The following FCRLA variants were observed in gnomAD, a reference collection of about 807,000 sequenced individuals.
FCRLA encodes the protein Fc receptor like A, also known as Fc receptor-like A.
FCRLA carries 26 observed loss-of-function variants against 28.4 expected under a neutral mutation model. The ratio of observed to expected loss-of-function variants is 0.91; its 90% CI spans 0.67 to 1.27. FCRLA has a LOEUF of 1.27. Among genes scored for constraint, FCRLA ranks in the 50% most tolerant of loss-of-function variants. FCRLA has a pLI of 0.00. For synonymous variants in FCRLA, 174 were observed against 168.5 expected (o/e 1.03, Z -0.25); for missense variants, 422 against 433.1 (o/e 0.97, Z 0.23).
At chr1:161,707,591 T>A (rs550474407) in intron 1 of FCRLA, among the ~76,000 whole-genome samples, 2 of 152,352 alleles carry the variant, frequency 1.3e-5, no homozygotes, top group East Asian at 3.9e-4. Flanking sequence ...AACTCTTTTC[T>A]TTCACTTGTG....
intron 4 of FCRLA, among the ~76,000 whole-genome samples, chr1:161,712,468 G>A (rs1683153691): frequency 1.3e-5 from 2 of 152,136 alleles, no homozygotes; most frequent in South Asian, 4.1e-4. Context: ...TGCCCCACAA[G>A]CCTTAGCATC....
chr1:161,713,093 A>T lies in FCRLA; in HGVS notation c.793A>T (p.Ser265Cys), dbSNP rs917659602. Residue 265 changes from serine to cysteine, a missense_variant, in exon 5 of 5, where the codon AGC (serine) becomes TGC (cysteine). Physicochemically the swap from Ser to Cys is moderately radical, Grantham distance 112. This residue lies in a region of FCRLA where 185 missense variants were observed against 198.1 expected (regional missense o/e 0.93). Coordinates refer to ENST00000236938, the MANE Select transcript of FCRLA (RefSeq NM_032738.4). ...QLEIRVQGAS[S>C]SAAPPTLNPA... The stretch of plus-strand genomic sequence containing the variant: ...CCTGCCCCATAATTCAGGTGCTTCC[A>T]GCTCTGCTGCACCTCCCACATTGAA... 1 of 1,612,084 alleles carries T rather than the reference A, an allele frequency of 6.2e-7. No homozygotes were observed. The highest frequency in any genetic ancestry group is 8.5e-7 in the Non-Finnish European group (1 of 1,179,236).
In FCRLA at chr1:161,712,041, G is replaced by A. The variant is rs546820153; in HGVS notation, c.607G>A (p.Ala203Thr). 47 of 1,614,192 alleles carry A rather than the reference G, an allele frequency of 2.9e-5. No homozygotes were observed. The South Asian group carries it at 4.3e-4, about 15-fold the overall frequency. ...QTKLPLQRSA[A>T]RLLFSFYKDG... ...AAAGTTGCCCCTGCAGAGGTCAGCT[G>A]CCCGCCTCCTCTTCTCCTTCTACAA... Residue 203 changes from alanine to threonine, a missense_variant, in exon 4 of 5, where the codon GCC (alanine) becomes ACC (threonine). Transcript: ENST00000236938.
At chr1:161,710,597 CCT>C in intron 1 of FCRLA, 161 bp from the exon 2 acceptor site, 1 of 1,420,148 alleles carries the variant, frequency 7.0e-7, no homozygotes. Context: ...AAACTATCCC[CCT>C]GAGACACTCT....
In FCRLA at chr1:161,712,091, G is replaced by A. The variant is rs752480920; in HGVS notation, c.657G>A (p.Arg219=). Residue 219 remains arginine (R), a synonymous_variant, in exon 4 of 5, where the codon AGG becomes AGA. Transcript: ENST00000236938. ...FYKDGRIVQS[R]GLSSEFQIPT... is the part of the protein sequence containing the mutation. The stretch of plus-strand genomic sequence containing the variant: ...AGGATGGAAGGATAGTGCAAAGCAG[G>A]GGGCTCTCCTCAGAATTCCAGATCC... 1.2e-6 allele frequency: 2 copies of A among 1,614,154 alleles called. No individual in the cohort carries two copies. The highest frequency in any genetic ancestry group is 1.7e-6 in the Non-Finnish European group (2 of 1,180,026).
In FCRLA at chr1:161,713,293, G is replaced by A. The variant is rs1475485411; in HGVS notation, c.993G>A (p.Val331=). 1.2e-6 allele frequency: 2 copies of A among 1,614,232 alleles called. No homozygotes were observed. Among genetic ancestry groups the A allele is most frequent in the Admixed American group, 3.3e-5 (2 of 60,032 alleles). ...MGLLLKHMQD[V]RVLLGHLLME... is the part of the protein sequence containing the mutation. ...TTCTTCTCAAACACATGCAGGATGT[G>A]AGAGTCCTCCTCGGTCACCTGCTCA... Residue 331 remains valine, a synonymous_variant, in exon 5 of 5, where the codon GTG becomes GTA. Transcript: ENST00000236938.
rs73015455 is a variant in FCRLA at position 161,711,667 on chromosome 1, C to G, written c.499+193C>G. 4,673 of 764,946 alleles carry G rather than the reference C, an allele frequency of 6.1e-3. 133 individuals are homozygous for G. The African/African-American group carries it at 0.073, about 12-fold the overall frequency. The allele number at this position is 764,946 out of a possible 1,614,324, so 47.4% of individuals were successfully genotyped here. A position where few individuals can be genotyped will look rare whatever the true frequency, so the allele number is the denominator to read the frequency against. ...GAAGTCATCCAGCCCCACTCAGAGT[C>G]CAGCATAGTTCCTACCACCCAGATC... On this transcript the variant is annotated intron_variant, in intron 3 of 4. Transcript: ENST00000236938.
intron 1 of FCRLA, among the ~76,000 whole-genome samples, chr1:161,707,996 T>G (rs2101650241): frequency 6.6e-6 from 1 of 152,336 alleles, no homozygotes; most frequent in South Asian, 2.1e-4. Flanking sequence ...ATTTGTCTGT[T>G]TAATTTTTGC....
At chr1:161,710,533 T>G in intron 1 of FCRLA, 1 of 1,547,052 alleles carries the variant, frequency 6.5e-7, no homozygotes, top group Non-Finnish European at 8.7e-7. Context: ...CTCCCTCTTC[T>G]CCAAACCACA....
chr1:161,711,896 A>G (rs201477947), intron 3 of FCRLA, 38 bp from the exon 4 acceptor site: 53 of 1,571,152 alleles, frequency 3.4e-5, no homozygotes, highest in Middle Eastern at 3.4e-4. Flanking sequence ...TGTATATAAG[A>G]TGGCTGAGCT....
intron 2 of FCRLA, 123 bp from the exon 3 acceptor site, chr1:161,711,085 T>C: frequency 6.9e-7 from 1 of 1,452,352 alleles, no homozygotes; most frequent in Non-Finnish European, 9.3e-7. Flanking sequence ...AGTTGTCCCA[T>C]ACTCCCAACC....
At chr1:161,713,062 G>T in intron 4 of FCRLA, 23 bp from the exon 5 acceptor site, 1 of 1,597,428 alleles carries the variant, frequency 6.3e-7, no homozygotes, top group Non-Finnish European at 8.5e-7. Flanking sequence ...ACTCTTGTAT[G>T]TGCCTCCTGC....
chr1:161,712,953 A>T, intron 4 of FCRLA, 132 bp from the exon 5 acceptor site: 1 of 991,086 alleles, frequency 1.0e-6, no homozygotes, highest in Non-Finnish European at 1.5e-6. Context: ...GAGGGACACT[A>T]GAGTCCTCAA....
In FCRLA at chr1:161,707,288, G is replaced by A. The variant is rs748968878; in HGVS notation, c.24G>A (p.Met8Ile). The A allele has an allele frequency of 6.2e-7, 1 of 1,613,962 alleles. No homozygotes were observed. The highest frequency in any genetic ancestry group is 8.5e-7 in the Non-Finnish European group (1 of 1,179,940). The change falls in exon 1 of 5, where the codon ATG becomes ATA. Residue 8 changes from methionine to isoleucine, a missense_variant. By Grantham distance (10) the Met-to-Ile change is conservative (BLOSUM62 1). Transcript: ENST00000236938. Reference protein sequence around the residue: MKLGCVLMAWALYLSLGV... With the variant: MKLGCVLIAWALYLSLGV... ...CCATGAAGCTGGGCTGTGTCCTCAT[G>A]GCCTGGGCCCTCTACCTTTCCCTTG... is the stretch of plus-strand genomic sequence containing the variant.
chr1:161,707,698 T>C (rs1339641363), intron 1 of FCRLA, among the ~76,000 whole-genome samples: 3 of 152,188 alleles, frequency 2.0e-5, no homozygotes, highest in Non-Finnish European at 2.9e-5. Flanking sequence ...TCCACTGGAA[T>C]TGGTTTTGTC....
At chr1:161,710,302 G>A (rs2101655065) in intron 1 of FCRLA, 1 of 632,310 alleles carries the variant, frequency 1.6e-6, no homozygotes, top group Admixed American at 2.7e-5. Flanking sequence ...TATAAAATGA[G>A]GATAAAGTCA....
In FCRLA at chr1:161,712,089, AG is replaced by A. The variant is rs1557922955; in HGVS notation, c.660del (p.Leu221SerfsTer36). The A allele has an allele frequency of 1.2e-6, 2 of 1,614,200 alleles. No homozygotes were observed. Among genetic ancestry groups the A allele is most frequent in the Non-Finnish European group, 1.7e-6 (2 of 1,180,030 alleles). On this transcript the variant is annotated frameshift_variant, in exon 4 of 5. Transcript: ENST00000236938. LOFTEE classifies it high-confidence loss of function. The stretch of plus-strand genomic sequence containing the variant: ...CAAGGATGGAAGGATAGTGCAAAGC[AG>A]GGGGCTCTCCTCAGAATTCCAGATC... ...FYKDGRIVQSRGLSSEFQIPT... is the reference protein window; with the variant it reads ...FYKDGRIVQSXGLSSEFQIPT...
chr1:161,708,733 C>T (rs1001016103), intron 1 of FCRLA, among the ~76,000 whole-genome samples: 3 of 152,294 alleles, frequency 2.0e-5, no homozygotes, highest in Middle Eastern at 3.4e-3. Context: ...GTGTAGGTAC[C>T]CCTAAAGACT....
chr1:161,710,425 C>A (rs1429257275), intron 1 of FCRLA: 7 of 1,527,226 alleles, frequency 4.6e-6, no homozygotes, highest in Non-Finnish European at 6.2e-6. Context: ...CTGTCCTATG[C>A]CTCCCTGCTT....
Sources: allele counts gnomAD v4.1 joint callset (sites outside exome capture counted in the v4.1 genomes callset), GRCh38; gene constraint gnomAD v4.1.1; regional missense constraint gnomAD v4.1.1; transcripts MANE v1.5; gene names NCBI Gene and HGNC (gene_info 2026-07-23, HGNC 2026-07-21).